The following PXDNL variants were observed in gnomAD, a reference collection of about 807,000 sequenced individuals.
PXDNL encodes the protein probable oxidoreductase PXDNL.
Under a neutral mutation model 150.8 loss-of-function variants are expected in PXDNL, and 145 were observed. That is an observed-to-expected ratio of 0.96 (90% confidence interval 0.84 to 1.10). The LOEUF (loss-of-function observed/expected upper bound fraction) is 1.10. PXDNL is among the 50% of genes least tolerant of loss of function. The probability of loss-of-function intolerance (pLI) is 0.00; values close to 1 mark genes in which losing one functional copy is unlikely to be tolerated. For synonymous variants in PXDNL, 757 were observed against 725.7 expected, an observed-to-expected ratio of 1.04 and a Z score of -0.69; for missense variants, 2,087 against 1,873.9, an observed-to-expected ratio of 1.11 and a Z score of -2.10.
At position 51,322,597 on chromosome 8, in the gene PXDNL, A is replaced by T. The variant is rs547120345; in HGVS notation, c.4147-1700T>A. On this transcript the variant is annotated intron_variant, in intron 21 of 22. Coordinates refer to ENST00000356297, the MANE Select transcript of PXDNL (RefSeq NM_144651.5). ...CTGGTGAGAAACTAACATGGAGACC[A>T]ATATGGGCTCCACTGAGGAAGGAGG... Among the ~76,000 whole-genome samples the T allele has an allele frequency of 4.6e-5, 7 of 152,360 alleles. No homozygotes were observed. The South Asian group carries it at 1.4e-3, about 32-fold the overall frequency.
At chr8:51,695,395 A>G (rs1284214976) in intron 1 of PXDNL, among the ~76,000 whole-genome samples, 3 of 152,150 alleles carry the variant, frequency 2.0e-5, no homozygotes, top group African/African-American at 7.2e-5. Flanking sequence ...ATTGGCACAT[A>G]TTAGGTTCCC....
At chr8:51,449,680 C>T (rs1365719793) in intron 10 of PXDNL, among the ~76,000 whole-genome samples, 1 of 152,164 alleles carries the variant, frequency 6.6e-6, no homozygotes, top group Non-Finnish European at 1.5e-5. Flanking sequence ...TAGCTAATAG[C>T]TGCATATGCC....
intron 1 of PXDNL, among the ~76,000 whole-genome samples, chr8:51,758,275 TTAA>T (rs1229395191): frequency 4.6e-5 from 7 of 152,224 alleles, no homozygotes; most frequent in Admixed American, 3.9e-4. Context: ...TATTGTGAAT[TTAA>T]TAATAAGATG....
intron 17 of PXDNL, among the ~76,000 whole-genome samples, chr8:51,391,767 C>A (rs899693427): frequency 1.6e-4 from 25 of 152,182 alleles, no homozygotes; most frequent in Non-Finnish European, 2.8e-4. Context: ...TCAATTTTGG[C>A]TTTTGTTGCC....
rs139696789 is a variant in PXDNL at position 51,657,131 on chromosome 8, G to A, written c.165-2371C>T. Among the ~76,000 whole-genome samples, 240 of 152,184 alleles carry A rather than the reference G, an allele frequency of 1.6e-3. 2 individuals carry two copies. Among genetic ancestry groups the A allele is most frequent in the African/African-American group, 5.4e-3 (223 of 41,512 alleles). Reference sequence around the variant, plus strand: ...CAGAACACTTGCATTAGCCTGCAGTGGGGCAAAATTATCTAACACACTCCT... The same window carrying A: ...CAGAACACTTGCATTAGCCTGCAGTAGGGCAAAATTATCTAACACACTCCT... On this transcript the variant is annotated intron_variant, in intron 1 of 22. Coordinates refer to ENST00000356297, the MANE Select transcript of PXDNL (RefSeq NM_144651.5).
chr8:51,673,860 G>A (rs1815552703), intron 1 of PXDNL, among the ~76,000 whole-genome samples: 1 of 152,160 alleles, frequency 6.6e-6, no homozygotes, highest in South Asian at 2.1e-4. Flanking sequence ...GGTTTTTCAT[G>A]TGGGCATAAC....
chr8:51,412,400 T>C (rs1808677177), intron 15 of PXDNL, among the ~76,000 whole-genome samples: 1 of 152,164 alleles, frequency 6.6e-6, no homozygotes, highest in South Asian at 2.1e-4. Flanking sequence ...GGTACAAAGA[T>C]GTTAAGTCAC....
At chr8:51,338,278 C>T (rs2130671916) in intron 21 of PXDNL, among the ~76,000 whole-genome samples, 1 of 152,086 alleles carries the variant, frequency 6.6e-6, no homozygotes, top group African/African-American at 2.4e-5. Flanking sequence ...TGATACAGAC[C>T]ACAGCTGCAG....
chr8:51,641,026 C>A lies in PXDNL; in HGVS notation c.236+13663G>T, dbSNP rs372207321. 1.0e-3 allele frequency among the ~76,000 whole-genome samples: 155 copies of A among 152,172 alleles called. 1 individual carries two copies. Among genetic ancestry groups the A allele is most frequent in the African/African-American group, 3.4e-3 (143 of 41,536 alleles). On this transcript the variant is annotated intron_variant, in intron 2 of 22. Transcript: ENST00000356297. ...ACAGAGATATAGATCAATGGAACAG[C>A]ACAGAGCCCTCAGAAATAACGCCAC... is the stretch of plus-strand genomic sequence containing the variant.
intron 1 of PXDNL, among the ~76,000 whole-genome samples, chr8:51,774,559 C>T (rs2037331417): frequency 6.6e-6 from 1 of 152,158 alleles, no homozygotes; most frequent in Non-Finnish European, 1.5e-5. Flanking sequence ...TGGCTCATGC[C>T]TGTAATCCTA....
intron 1 of PXDNL, among the ~76,000 whole-genome samples, chr8:51,703,745 T>C (rs146027520): frequency 1.3e-3 from 197 of 152,332 alleles, no homozygotes; most frequent in Non-Finnish European, 2.2e-3. Flanking sequence ...TTTAATTTAA[T>C]GTGTTCATAC....
At chr8:51,667,213 C>T (rs1279225956) in intron 1 of PXDNL, among the ~76,000 whole-genome samples, 1 of 152,120 alleles carries the variant, frequency 6.6e-6, no homozygotes, top group Non-Finnish European at 1.5e-5. Flanking sequence ...TGTGATAGCC[C>T]CTCCCTTGGC....
chr8:51,707,232 ACATGACAAGCAGTT>A (rs1305842357), intron 1 of PXDNL, among the ~76,000 whole-genome samples: 2 of 152,244 alleles, frequency 1.3e-5, no homozygotes, highest in African/African-American at 4.8e-5. Context: ...AGAGGCAGAC[ACATGACAAGCAGTT>A]CATCATGTGA....
chr8:51,468,792 T>C (rs1260545677), intron 8 of PXDNL, among the ~76,000 whole-genome samples: 1 of 151,988 alleles, frequency 6.6e-6, no homozygotes, highest in Non-Finnish European at 1.5e-5. Context: ...ATTCACAGTA[T>C]CACTCTTCAC....
Position 51,483,676 on chromosome 8 carries a change from C to T in PXDNL, c.491G>A (p.Gly164Glu), listed in dbSNP as rs1368771282. 1 of 1,526,342 alleles carries T rather than the reference C, an allele frequency of 6.6e-7. No homozygotes were observed. The highest frequency in any genetic ancestry group is 2.0e-5 in the Admixed American group (1 of 50,430). The allele number at this position is 1,526,342 out of a possible 1,614,324, so 94.5% of individuals were successfully genotyped here. Reference sequence around the variant, plus strand: ...TAATGAATCCAGATTAGAAAAGCTCCCAGCTGGAATTTTAGATAATTTGTT... The same window carrying T: ...TAATGAATCCAGATTAGAAAAGCTCTCAGCTGGAATTTTAGATAATTTGTT... ...HNNKLSKIPA[G>E]SFSNLDSLKR... The change falls in exon 6 of 23, where the codon GGG becomes GAG. Residue 164 changes from glycine (G) to glutamate (E), a missense_variant. Physicochemically the swap from Gly to Glu is moderately conservative, Grantham distance 98 (BLOSUM62 -2). Coordinates refer to ENST00000356297, the MANE Select transcript of PXDNL (RefSeq NM_144651.5).
chr8:51,614,159 A>G (rs932324140), intron 2 of PXDNL, among the ~76,000 whole-genome samples: 1 of 152,378 alleles, frequency 6.6e-6, no homozygotes. Flanking sequence ...ATCTAAGAGC[A>G]ACAGATCAGT....
At position 51,377,672 on chromosome 8, in the gene PXDNL, C is replaced by A. The variant is rs538449191; in HGVS notation, c.3558-2941G>T. 3.0e-4 allele frequency among the ~76,000 whole-genome samples: 45 copies of A among 152,328 alleles called. No individual in the cohort carries two copies. The South Asian group carries it at 8.9e-3, about 30-fold the overall frequency. ...GGCTTAGCACCTGGGCCAGCAGCTG[C>A]GGAGGGTGCACCGGGTCCCCCAGCA... On this transcript the variant is annotated intron_variant, in intron 17 of 22. Transcript: ENST00000356297.
At chr8:51,612,614 AG>A in intron 2 of PXDNL, among the ~76,000 whole-genome samples, 1 of 152,192 alleles carries the variant, frequency 6.6e-6, no homozygotes, top group African/African-American at 2.4e-5. Flanking sequence ...GTCATGAGGG[AG>A]GAGCTCCCTT....
At chr8:51,575,517 C>A (rs1813032759) in intron 3 of PXDNL, among the ~76,000 whole-genome samples, 1 of 152,030 alleles carries the variant, frequency 6.6e-6, no homozygotes, top group South Asian at 2.1e-4. Context: ...GAGTTCTAGA[C>A]CAGCTTGGCC....
Sources: gnomAD v4.1 joint callset for allele counts (sites outside exome capture counted in the v4.1 genomes callset) on GRCh38, gnomAD v4.1.1 for gene constraint, MANE v1.5 for transcripts, NCBI Gene and HGNC (gene_info 2026-07-23, HGNC 2026-07-21) for gene names.